Variants in CBL observed in about 807,000 individuals in gnomAD.
CBL encodes the protein Cbl proto-oncogene.
A neutral mutation model predicts 96.9 loss-of-function variants in CBL; 45 were observed. The ratio of observed to expected loss-of-function variants is 0.46; its 90% confidence interval spans 0.37 to 0.60. The LOEUF (loss-of-function observed/expected upper bound fraction) is 0.60. CBL is among the 20% of genes least tolerant of loss of function. The pLI, the probability that CBL is intolerant of heterozygous loss-of-function variation, is 0.00. For missense variants in CBL, 1,024 were observed against 1,143.5 expected (o/e 0.90, Z 1.51); for synonymous variants, 420 against 426.8 (o/e 0.98, Z 0.20).
At chr11:119,275,050 A>G (rs776829497) in intron 5 of CBL, 97 bp downstream of exon 5, 21 of 1,298,830 alleles carry the variant, frequency 1.6e-5, no homozygotes, top group East Asian at 4.7e-5. Context: ...TAGTTTCGCA[A>G]TAGCCAAGGT....
intron 1 of CBL, among the ~76,000 whole-genome samples, chr11:119,219,378 A>C (rs1272493415): frequency 7.7e-6 from 1 of 129,240 alleles, no homozygotes; most frequent in African/African-American, 2.5e-5. Context: ...CTCTGTCTCA[A>C]AAAAAAAAAA....
chr11:119,280,108 T>A (rs1949922085), intron 9 of CBL, among the ~76,000 whole-genome samples: 1 of 152,254 alleles, frequency 6.6e-6, no homozygotes, highest in Non-Finnish European at 1.5e-5. Context: ...ATGTATTTTG[T>A]CATTTGGCCA....
chr11:119,278,144 T>TTTTAA, intron 7 of CBL, 22 bp from the exon 8 acceptor site: 11 of 1,544,730 alleles, frequency 7.1e-6, no homozygotes, highest in Non-Finnish European at 9.8e-6. Flanking sequence ...ACTAATAGTC[T>TTTTAA]TTTAATTTTT....
intron 2 of CBL, among the ~76,000 whole-genome samples, chr11:119,244,280 G>C (rs1949607997): frequency 6.6e-6 from 1 of 152,148 alleles, no homozygotes; most frequent in Admixed American, 6.5e-5. Flanking sequence ...AATAGTGCTT[G>C]TAGAGCAGTA....
intron 2 of CBL, among the ~76,000 whole-genome samples, chr11:119,269,649 A>G (rs939097087): frequency 7.2e-5 from 11 of 152,122 alleles, no homozygotes; most frequent in African/African-American, 2.4e-4. Flanking sequence ...ATCTGTTCCT[A>G]ATAGAGGATT....
chr11:119,262,694 G>A (rs1303926120), intron 2 of CBL, among the ~76,000 whole-genome samples: 1 of 152,192 alleles, frequency 6.6e-6, no homozygotes, highest in Non-Finnish European at 1.5e-5. Context: ...TGCCCTTAAG[G>A]AGTTGTCTTC....
At chr11:119,257,302 C>T (rs1187383908) in intron 2 of CBL, among the ~76,000 whole-genome samples, 1 of 152,206 alleles carries the variant, frequency 6.6e-6, no homozygotes, top group African/African-American at 2.4e-5. Context: ...AATGGCCACT[C>T]TGGCTGGGGT....
rs2135303587 is a variant in CBL, at chr11:119,278,193, G to C, written c.1123G>C (p.Gly375Arg). 6.2e-7 allele frequency: 1 copy of C among 1,607,898 alleles called. No individual in the cohort carries two copies. Among genetic ancestry groups the C allele is most frequent in the Non-Finnish European group, 8.5e-7 (1 of 1,174,580 alleles). Residue 375 changes from glycine to arginine, a missense_variant, in exon 8 of 16, where the codon GGC becomes CGC. Gly to Arg is a moderately radical substitution (Grantham distance 125, BLOSUM62 -2). This residue lies in a region of CBL where 695 missense variants were observed against 661.6 expected (regional missense o/e 1.05). Coordinates refer to ENST00000264033, the MANE Select transcript of CBL (RefSeq NM_005188.4). ...ACAATATGAATTATACTGTGAGATG[G>C]GCTCCACATTCCAACTATGTAAAAT... is the stretch of plus-strand genomic sequence containing the variant. ...QEQYELYCEM[G>R]STFQLCKICA...
chr11:119,269,945 C>T (rs1353765128), intron 2 of CBL, among the ~76,000 whole-genome samples: 3 of 152,008 alleles, frequency 2.0e-5, no homozygotes, highest in East Asian at 3.9e-4. Context: ...TGCAGTGAGC[C>T]GAGATCGCGC....
chr11:119,207,482 G>T lies in CBL; in HGVS notation c.195+870G>T, dbSNP rs138246265. Among the ~76,000 whole-genome samples, 881 of 152,244 alleles carry T rather than the reference G, an allele frequency of 5.8e-3. 8 individuals carry two copies. The highest frequency in any genetic ancestry group is 0.02 in the African/African-American group (825 of 41,530). ...ACAGGTCCTGACTTTAAACTTGTTC[G>T]TTGAGCTTCTTTGATTACGCTTTTT... On this transcript the variant is annotated intron_variant, in intron 1 of 15. Coordinates refer to ENST00000264033, the MANE Select transcript of CBL (RefSeq NM_005188.4).
intron 1 of CBL, among the ~76,000 whole-genome samples, chr11:119,215,129 A>G (rs1334586178): frequency 6.6e-6 from 1 of 152,120 alleles, no homozygotes; most frequent in African/African-American, 2.4e-5. Flanking sequence ...GTAGAATAAA[A>G]GTAGAGTTAG....
At chr11:119,222,985 G>A (rs1423137230) in intron 1 of CBL, among the ~76,000 whole-genome samples, 4 of 152,026 alleles carry the variant, frequency 2.6e-5, no homozygotes, top group African/African-American at 9.7e-5. Flanking sequence ...AGACCAGCCT[G>A]GGTAACATAG....
intron 2 of CBL, among the ~76,000 whole-genome samples, chr11:119,264,629 A>T (rs1384604789): frequency 6.6e-6 from 1 of 150,746 alleles, no homozygotes; most frequent in East Asian, 2.0e-4. Flanking sequence ...CTAGAGGTCC[A>T]TGCCACCATG....
At chr11:119,261,385 G>A (rs544756462) in intron 2 of CBL, among the ~76,000 whole-genome samples, 3 of 152,204 alleles carry the variant, frequency 2.0e-5, no homozygotes, top group African/African-American at 4.8e-5. Context: ...AATGGAAATC[G>A]ATGTCTAAGT....
At chr11:119,244,443 G>A (rs1033044908) in intron 2 of CBL, among the ~76,000 whole-genome samples, 5 of 150,542 alleles carry the variant, frequency 3.3e-5, no homozygotes, top group Non-Finnish European at 5.9e-5. Flanking sequence ...TTTGAGATAA[G>A]GTCTCACTCT....
rs1396826566 is a variant in CBL, at chr11:119,305,478, T to A, written c.*5697T>A. On this transcript the variant is annotated 3_prime_UTR_variant, in exon 16 of 16. Transcript: ENST00000264033. Reference sequence around the variant, plus strand: ...GCTTGAAAATGTTCATTCTCTGGGCTTGTGGCCTGTCTCCTCCACTCTCCT... The same window carrying A: ...GCTTGAAAATGTTCATTCTCTGGGCATGTGGCCTGTCTCCTCCACTCTCCT... The A allele has an allele frequency of 4.3e-6, 1 of 231,092 alleles. No individual in the cohort carries two copies. Among genetic ancestry groups the A allele is most frequent in the Non-Finnish European group, 8.6e-6 (1 of 116,754 alleles). 14.3% of individuals were successfully genotyped at this position (231,092 alleles called of 1,614,324 possible).
chr11:119,239,440 G>C (rs2135271368), intron 2 of CBL, among the ~76,000 whole-genome samples: 1 of 152,208 alleles, frequency 6.6e-6, no homozygotes, highest in East Asian at 1.9e-4. Flanking sequence ...TCTGTATGTT[G>C]ATCTGGTACT....
At chr11:119,286,810 A>T (rs1320866924) in intron 11 of CBL, among the ~76,000 whole-genome samples, 1 of 152,254 alleles carries the variant, frequency 6.6e-6, no homozygotes, top group Non-Finnish European at 1.5e-5. Context: ...TGCACTTAAC[A>T]AAAAGTCTTG....
rs891238947 is a variant in CBL, at chr11:119,301,715, G to T, written c.*1934G>T. The T allele has an allele frequency of 4.3e-6, 1 of 233,118 alleles. No homozygotes were observed. Among genetic ancestry groups the T allele is most frequent in the Non-Finnish European group, 8.5e-6 (1 of 118,034 alleles). The allele number at this position is 233,118 out of a possible 1,614,324, so 14.4% of individuals were successfully genotyped here. On this transcript the variant is annotated 3_prime_UTR_variant, in exon 16 of 16. Transcript: ENST00000264033. ...GTGTCTTCTCTACATGGCATAAAGC[G>T]GCAAAGCCCACCATTAGGTGAGGCG... is the stretch of plus-strand genomic sequence containing the variant.
Sources: gnomAD v4.1 joint callset for allele counts (sites outside exome capture counted in the v4.1 genomes callset) on GRCh38, gnomAD v4.1.1 for gene constraint, gnomAD v4.1.1 regional missense constraint, MANE v1.5 for transcripts, NCBI Gene and HGNC (gene_info 2026-07-23, HGNC 2026-07-21) for gene names.